CLK3: variants seen among roughly 807,000 people sequenced by gnomAD.
The protein encoded by CLK3 is CDC like kinase 3, also known as dual specificity protein kinase CLK3.
Under a neutral mutation model 65.2 loss-of-function variants are expected in CLK3, and 24 were observed. The observed-to-expected ratio is 0.37, with a 90% CI of 0.27 to 0.52. CLK3 has a LOEUF of 0.52. CLK3 is among the 20% of genes least tolerant of loss of function. CLK3 has a pLI of 0.92. For synonymous variants in CLK3, 252 were observed against 240.8 expected, an observed-to-expected ratio of 1.05 and a Z score of -0.43; for missense variants, 506 against 660.0, an observed-to-expected ratio of 0.77 and a Z score of 2.56.
chr15:74,615,463 C>A (rs1235219108), upstream of CLK3: 1 of 1,313,040 alleles, frequency 7.6e-7, no homozygotes, highest in Non-Finnish European at 9.7e-7. Flanking sequence ...CAATGCCCGT[C>A]CTCTCCGCGC....
upstream of CLK3, among the ~76,000 whole-genome samples, chr15:74,612,208 T>G (rs1026521481): frequency 6.6e-6 from 1 of 152,196 alleles, no homozygotes; most frequent in Non-Finnish European, 1.5e-5. Flanking sequence ...CCCCTTCCAG[T>G]GTGGAAGTCT....
intron 12 of CLK3, chr15:74,629,304 T>C (rs1223486176): frequency 1.2e-5 from 7 of 565,870 alleles, no homozygotes; most frequent in Admixed American, 2.8e-5. Context: ...TGCTGCTTCC[T>C]GTCCCTCTCT....
In CLK3 at chr15:74,619,366, A is replaced by G. The variant is rs28455057; in HGVS notation, c.152+18A>G. 4.8e-3 allele frequency: 7,750 copies of G among 1,613,160 alleles called. 243 individuals are homozygous for G. The African/African-American group carries it at 0.08, about 17-fold the overall frequency. The stretch of plus-strand genomic sequence containing the variant: ...TCCAGAAGGTGAGAGGGAACTAGAT[A>G]GGAGGGAAAGACTCCTTCTGTCAGC... On this transcript the variant is annotated intron_variant, in intron 2 of 12. Transcript: ENST00000395066.
intron 7 of CLK3, among the ~76,000 whole-genome samples, chr15:74,626,623 G>C (rs937661511): frequency 6.6e-6 from 1 of 152,318 alleles, no homozygotes; most frequent in Admixed American, 6.5e-5. Flanking sequence ...GATGGGACAG[G>C]GACAAGGATT....
At chr15:74,616,299 C>A (rs1380348513) in intron 1 of CLK3, among the ~76,000 whole-genome samples, 4 of 152,226 alleles carry the variant, frequency 2.6e-5, no homozygotes, top group South Asian at 2.1e-4. Flanking sequence ...TGATTCTGGC[C>A]CAGTCCGGCT....
At chr15:74,612,023 G>A (rs919456510), upstream of CLK3, among the ~76,000 whole-genome samples, 1 of 152,230 alleles carries the variant, frequency 6.6e-6, no homozygotes, top group African/African-American at 2.4e-5. Flanking sequence ...TCCATGAGCT[G>A]TGGGTGCTGC....
In CLK3 at chr15:74,627,679, G is replaced by A; in HGVS notation, c.1042+11G>A. The A allele has an allele frequency of 6.2e-7, 1 of 1,613,312 alleles. No individual in the cohort carries two copies. The highest frequency in any genetic ancestry group is 1.3e-5 in the African/African-American group (1 of 75,048). On this transcript the variant is annotated intron_variant, in intron 9 of 12. Coordinates refer to ENST00000395066, the MANE Select transcript of CLK3 (RefSeq NM_001130028.2). This position sits in a 1 kb window ranked among gnomAD's most constrained non-coding sequence, Gnocchi z 4.3. ...CTGAGGTGATCCTTGGTGAGTGACTGTATGGCCTGTGACCTTGTCATACTG... is the reference window on the plus strand; with the variant it reads ...CTGAGGTGATCCTTGGTGAGTGACTATATGGCCTGTGACCTTGTCATACTG...
At chr15:74,629,088 G>A (rs756350736) in intron 12 of CLK3, 56 bp downstream of exon 12, 2 of 1,299,812 alleles carry the variant, frequency 1.5e-6, no homozygotes, top group East Asian at 2.3e-5. Flanking sequence ...CCCAGGCACT[G>A]GGCAGACATA....
In CLK3 at chr15:74,622,745, C is replaced by A. The variant is rs1222818381; in HGVS notation, c.533+185C>A. On this transcript the variant is annotated intron_variant, in intron 5 of 12. Transcript: ENST00000395066. The surrounding 1 kb of genome is among the most constrained non-coding windows in gnomAD (Gnocchi z 4.6). ...GACCCCCTGTAATAAGGGAGAAATTCTTGGGTCCTGCAGTTATGTGGCATC... is the reference window on the plus strand; with the variant it reads ...GACCCCCTGTAATAAGGGAGAAATTATTGGGTCCTGCAGTTATGTGGCATC... 6.6e-6 allele frequency among the ~76,000 whole-genome samples: 1 copy of A among 152,162 alleles called. No individual in the cohort carries two copies. Among genetic ancestry groups the A allele is most frequent in the Non-Finnish European group, 1.5e-5 (1 of 68,032 alleles).
chr15:74,626,449 C>G (rs548389662), intron 7 of CLK3, among the ~76,000 whole-genome samples: 1 of 152,354 alleles, frequency 6.6e-6, no homozygotes, highest in East Asian at 1.9e-4. Flanking sequence ...TACAGAAAGG[C>G]TCCTTGGTGA....
In CLK3 at chr15:74,622,251, C is replaced by A; in HGVS notation, c.466+35C>A. The A allele has an allele frequency of 6.3e-7, 1 of 1,586,580 alleles. No individual in the cohort carries two copies. The highest frequency in any genetic ancestry group is 8.6e-7 in the Non-Finnish European group (1 of 1,157,124). ...CCTTTCGTAAAACTTTACCTCTCTA[C>A]TTTCTACCCCCCTTGTTAGACGAGA... On this transcript the variant is annotated intron_variant, in intron 4 of 12. Transcript: ENST00000395066. The surrounding 1 kb of genome is among the most constrained non-coding windows in gnomAD (Gnocchi z 4.6).
upstream of CLK3, among the ~76,000 whole-genome samples, chr15:74,611,426 C>T (rs1221726071): frequency 6.6e-6 from 1 of 152,232 alleles, no homozygotes; most frequent in Non-Finnish European, 1.5e-5. Context: ...GCTTTAGGGA[C>T]CAGCCAAGTC....
At chr15:74,615,348 A>G, upstream of CLK3, 1 of 1,056,864 alleles carries the variant, frequency 9.5e-7, no homozygotes, top group Non-Finnish European at 1.2e-6. Flanking sequence ...CACCAAGATA[A>G]TAATGTGTCG....
chr15:74,619,842 G>A lies in CLK3; in HGVS notation c.153-167G>A, dbSNP rs2062087189. ...GTCGTTGGACAGGGCTCTGGAGGGC[G>A]GGCTTAGTACCTTTGCACCCTCCCC... On this transcript the variant is annotated intron_variant, in intron 2 of 12. Coordinates refer to ENST00000395066, the MANE Select transcript of CLK3 (RefSeq NM_001130028.2). The A allele has an allele frequency of 1.1e-5, 12 of 1,085,958 alleles. 1 individual carries two copies. Among genetic ancestry groups the A allele is most frequent in the Middle Eastern group, 3.1e-4 (1 of 3,252 alleles). 67.3% of individuals were successfully genotyped at this position (1,085,958 alleles called of 1,614,324 possible).
At chr15:74,610,086 T>C (rs1294634437) in intron 1 of CLK3, among the ~76,000 whole-genome samples, 1 of 152,128 alleles carries the variant, frequency 6.6e-6, no homozygotes, top group Admixed American at 6.5e-5. Flanking sequence ...TGGGGCAGAG[T>C]CAAAGGTACA....
chr15:74,628,173 A>G lies in CLK3; in HGVS notation c.1125+121A>G, dbSNP rs773988264. 197 of 720,162 alleles carry G rather than the reference A, an allele frequency of 2.7e-4. 1 individual carries two copies. The highest frequency in any genetic ancestry group is 4.4e-4 in the Non-Finnish European group (175 of 397,622). The allele number at this position is 720,162 out of a possible 1,614,324, so 44.6% of individuals were successfully genotyped here. A position where few individuals can be genotyped will look rare whatever the true frequency, so the allele number is the denominator to read the frequency against. The stretch of plus-strand genomic sequence containing the variant: ...AGGTGTCTTCCTCCTCCCACTAATC[A>G]TCATGTGAGATTCAGACCCTTTAAG... On this transcript the variant is annotated intron_variant, in intron 10 of 12. Coordinates refer to ENST00000395066, the MANE Select transcript of CLK3 (RefSeq NM_001130028.2).
chr15:74,620,588 A>C (rs2062094015), intron 3 of CLK3: 1 of 336,548 alleles, frequency 3.0e-6, no homozygotes, highest in African/African-American at 2.1e-5. Context: ...GGTGGTCTGC[A>C]GCTATATGGC....
rs527329430 is a variant in CLK3 at position 74,622,694 on chromosome 15, C to T, written c.533+134C>T. ...GAAGGGTGGCATCAAAGTAGGGTTC[C>T]GACCTGTCCATGTTGGGGTTTTGCT... On this transcript the variant is annotated intron_variant, in intron 5 of 12. Transcript: ENST00000395066. This position sits in a 1 kb window ranked among gnomAD's most constrained non-coding sequence, Gnocchi z 4.6. 3.8e-4 allele frequency: 231 copies of T among 603,324 alleles called. No individual in the cohort carries two copies. In the South Asian group the frequency reaches 4.9e-3, roughly 13 times the overall value. The allele number at this position is 603,324 out of a possible 1,614,324, so 37.4% of individuals were successfully genotyped here.
intron 12 of CLK3, chr15:74,629,430 A>G: frequency 1.8e-6 from 1 of 552,162 alleles, no homozygotes; most frequent in Non-Finnish European, 3.3e-6. Context: ...TGAATTTCGC[A>G]GAGGTGATCT....
Sources: gnomAD v4.1 joint callset for allele counts (sites outside exome capture counted in the v4.1 genomes callset) on GRCh38, gnomAD v4.1.1 for gene constraint, Gnocchi (gnomAD v3.1) non-coding constraint, MANE v1.5 for transcripts, NCBI Gene and HGNC (gene_info 2026-07-23, HGNC 2026-07-21) for gene names.